CADM2: variants seen among roughly 807,000 people sequenced by gnomAD.
The protein encoded by CADM2 is immunoglobulin superfamily member 4D.
In CADM2, 12 loss-of-function variants were observed where a neutral mutation model predicts 49.8. That is an observed-to-expected ratio of 0.24 (90% CI 0.15 to 0.39). CADM2 has a LOEUF of 0.39. Ranked by LOEUF, CADM2 falls within the 10% of genes least tolerant of loss-of-function variation. The pLI is 1.00. For missense variants in CADM2, 378 were observed against 492.3 expected (o/e 0.77, Z 2.20); for synonymous variants, 214 against 175.4 (o/e 1.22, Z -1.74).
At chr3:85,662,982 T>G (rs2065455889) in intron 1 of CADM2, among the ~76,000 whole-genome samples, 1 of 152,130 alleles carries the variant, frequency 6.6e-6, no homozygotes, top group South Asian at 2.1e-4. Flanking sequence ...GTGCCACATC[T>G]TAGAAATGGC....
chr3:85,560,183 G>T (rs2062057931), intron 1 of CADM2, among the ~76,000 whole-genome samples: 1 of 152,160 alleles, frequency 6.6e-6, no homozygotes, highest in Non-Finnish European at 1.5e-5. Flanking sequence ...GCCTGCGGTT[G>T]CTTTCAAAAC....
chr3:85,452,798 A>G (rs181805162), intron 1 of CADM2, among the ~76,000 whole-genome samples: 1 of 152,322 alleles, frequency 6.6e-6, no homozygotes, highest in Admixed American at 6.5e-5. Context: ...AACAATGACC[A>G]TTTTGGAAGT....
At chr3:85,832,287 T>C (rs1254963242) in intron 3 of CADM2, among the ~76,000 whole-genome samples, 2 of 152,008 alleles carry the variant, frequency 1.3e-5, no homozygotes, top group Non-Finnish European at 2.9e-5. Context: ...TTAGAATTTC[T>C]TTGGCTATTC....
rs143338751 is a variant in CADM2 at position 85,699,974 on chromosome 3, C to T, written c.62-26548C>T. Among the ~76,000 whole-genome samples, 7 of 152,254 alleles carry T rather than the reference C, an allele frequency of 4.6e-5. No homozygotes were observed. In the East Asian group the frequency reaches 1.4e-3, roughly 30 times the overall value. ...TAGAAATACCATTTGACCCAGCAAT[C>T]CCATTACTGGCTATATACCCAAAGG... On this transcript the variant is annotated intron_variant, in intron 1 of 9. Coordinates refer to ENST00000383699, the MANE Select transcript of CADM2 (RefSeq NM_001167675.2).
At chr3:85,600,210 C>G (rs955996004) in intron 1 of CADM2, among the ~76,000 whole-genome samples, 1 of 151,736 alleles carries the variant, frequency 6.6e-6, no homozygotes, top group South Asian at 2.1e-4. Flanking sequence ...TGTACCCTGC[C>G]TCTCCACAAT....
intron 1 of CADM2, among the ~76,000 whole-genome samples, chr3:85,673,889 G>T (rs2065819050): frequency 6.6e-6 from 1 of 152,092 alleles, no homozygotes; most frequent in African/African-American, 2.4e-5. Flanking sequence ...TAAGACATTT[G>T]TATTAGGATT....
chr3:85,489,930 C>G (rs2039602247), intron 1 of CADM2, among the ~76,000 whole-genome samples: 1 of 151,802 alleles, frequency 6.6e-6, no homozygotes, highest in South Asian at 2.1e-4. Context: ...CAAATATAAC[C>G]CCATGCCTTC....
intron 1 of CADM2, among the ~76,000 whole-genome samples, chr3:85,328,461 G>C (rs988787303): frequency 1.3e-5 from 2 of 152,032 alleles, no homozygotes; most frequent in Non-Finnish European, 1.5e-5. Context: ...ATTTTCTGAT[G>C]CTAATTGGAA....
intron 1 of CADM2, among the ~76,000 whole-genome samples, chr3:85,221,244 C>CCT (rs2042038103): frequency 6.6e-6 from 1 of 152,006 alleles, no homozygotes; most frequent in Non-Finnish European, 1.5e-5. Context: ...GGTTGAATCA[C>CCT]AGTAATTTAA....
rs572999159 is a variant in CADM2 at position 85,199,008 on chromosome 3, C to T, written c.61+239340C>T. ...AATTGGTATGTGCTTATTTTTCCTC[C>T]GCTGCAGGAAGGCAGCTATTTATAA... is the stretch of plus-strand genomic sequence containing the variant. On this transcript the variant is annotated intron_variant, in intron 1 of 9. Coordinates refer to ENST00000383699, the MANE Select transcript of CADM2 (RefSeq NM_001167675.2). 7.2e-5 allele frequency among the ~76,000 whole-genome samples: 11 copies of T among 151,888 alleles called. No homozygotes were observed. The South Asian group carries it at 1.5e-3, about 20-fold the overall frequency.
At position 85,112,427 on chromosome 3, in the gene CADM2, T is replaced by A. The variant is rs573352817; in HGVS notation, c.61+152759T>A. Among the ~76,000 whole-genome samples, 488 of 151,770 alleles carry A rather than the reference T, an allele frequency of 3.2e-3. 3 individuals carry two copies. Among genetic ancestry groups the A allele is most frequent in the South Asian group, 0.018 (87 of 4,830 alleles). On this transcript the variant is annotated intron_variant, in intron 1 of 9. Transcript: ENST00000383699. ...GTACACGTATAAGTAAACTTTATGATCAAAATCATAAAGTGTTAAAGATTC... is the reference window on the plus strand; with the variant it reads ...GTACACGTATAAGTAAACTTTATGAACAAAATCATAAAGTGTTAAAGATTC...
rs528244458 is a variant in CADM2, at chr3:85,360,628, C to G, written c.62-365894C>G. ...CGTTTAGAGTAAGGTAAATCTGTTT[C>G]ACTTCCTCTCACAAATTCAATGAAT... is the stretch of plus-strand genomic sequence containing the variant. On this transcript the variant is annotated intron_variant, in intron 1 of 9. Transcript: ENST00000383699. Among the ~76,000 whole-genome samples the G allele has an allele frequency of 2.0e-4, 31 of 152,298 alleles. No homozygotes were observed. The South Asian group carries it at 6.4e-3, about 32-fold the overall frequency.
At chr3:85,467,605 GC>G (rs2107602063) in intron 1 of CADM2, among the ~76,000 whole-genome samples, 1 of 150,092 alleles carries the variant, frequency 6.7e-6, no homozygotes, top group Non-Finnish European at 1.5e-5. Context: ...AAATTAAAAG[GC>G]TAATTAAAAA....
intron 3 of CADM2, among the ~76,000 whole-genome samples, chr3:85,835,817 A>T (rs1317010744): frequency 6.7e-6 from 1 of 149,514 alleles, no homozygotes; most frequent in East Asian, 2.0e-4. Context: ...GACTGATTTT[A>T]TTATATTATA....
chr3:85,016,023 G>T (rs2034234557), intron 1 of CADM2, among the ~76,000 whole-genome samples: 1 of 152,160 alleles, frequency 6.6e-6, no homozygotes, highest in Non-Finnish European at 1.5e-5. Flanking sequence ...AGGAAATGGA[G>T]ATCAATTTTG....
chr3:85,286,690 A>C (rs1243364559), intron 1 of CADM2, among the ~76,000 whole-genome samples: 1 of 152,292 alleles, frequency 6.6e-6, no homozygotes, highest in Admixed American at 6.5e-5. Flanking sequence ...ACACACATTA[A>C]GTATATATTC....
At chr3:85,972,148 TC>T (rs1037488598) in intron 8 of CADM2, among the ~76,000 whole-genome samples, 1 of 151,654 alleles carries the variant, frequency 6.6e-6, no homozygotes, top group African/African-American at 2.4e-5. Flanking sequence ...TACACTGTGA[TC>T]CAAATAGGCT....
chr3:85,847,813 G>A (rs2074943230), intron 3 of CADM2, among the ~76,000 whole-genome samples: 1 of 152,020 alleles, frequency 6.6e-6, no homozygotes, highest in Non-Finnish European at 1.5e-5. Flanking sequence ...CTCTGAGGAA[G>A]GTAAAGTTTA....
chr3:85,981,080 T>C (rs1727421407), intron 8 of CADM2, among the ~76,000 whole-genome samples: 1 of 151,340 alleles, frequency 6.6e-6, no homozygotes, highest in Admixed American at 6.6e-5. Context: ...TATTGTTCTT[T>C]GTGGGAAAAT....
Sources: gnomAD v4.1 joint callset for allele counts (sites outside exome capture counted in the v4.1 genomes callset) on GRCh38, gnomAD v4.1.1 for gene constraint, MANE v1.5 for transcripts, NCBI Gene and HGNC (gene_info 2026-07-23, HGNC 2026-07-21) for gene names.